The following ADD3 variants were observed in gnomAD, a reference collection of about 807,000 sequenced individuals.
The protein encoded by ADD3 is adducin 3.
Under a neutral mutation model 80.2 loss-of-function variants are expected in ADD3, and 25 were observed. The ratio of observed to expected loss-of-function variants is 0.31; its 90% CI spans 0.23 to 0.44. The LOEUF is 0.44. Ranked by LOEUF, ADD3 falls within the 20% of genes least tolerant of loss-of-function variation. The pLI is 1.00. For synonymous variants in ADD3, 284 were observed against 289.6 expected (o/e 0.98, Z 0.20); for missense variants, 829 against 847.5 (o/e 0.98, Z 0.27).
intron 2 of ADD3, among the ~76,000 whole-genome samples, chr10:110,111,806 A>C (rs989519259): frequency 1.3e-5 from 2 of 151,898 alleles, no homozygotes; most frequent in Non-Finnish European, 2.9e-5. Flanking sequence ...CCAGCTACTC[A>C]GGAGGCTGAG....
At chr10:110,112,713 C>G in intron 2 of ADD3, 64 bp from the exon 3 acceptor site, 6 of 1,542,956 alleles carry the variant, frequency 3.9e-6, no homozygotes, top group Non-Finnish European at 5.2e-6. Flanking sequence ...TTGATTGTAT[C>G]GGAACAAGTT....
rs79929674 is a variant in ADD3, at chr10:110,109,547, A to C, written c.196-3230A>C. Among the ~76,000 whole-genome samples, 245 of 152,292 alleles carry C rather than the reference A, an allele frequency of 1.6e-3. 3 individuals carry two copies. Among genetic ancestry groups the C allele is most frequent in the African/African-American group, 5.7e-3 (238 of 41,556 alleles). ...AATGCCTACTTCTCCAAGTTATTGT[A>C]ATATATGTAATGAGTGATACACATA... On this transcript the variant is annotated intron_variant, in intron 2 of 14. Transcript: ENST00000356080.
chr10:110,028,546 C>T (rs1260731077), intron 1 of ADD3, among the ~76,000 whole-genome samples: 1 of 152,132 alleles, frequency 6.6e-6, no homozygotes, highest in African/African-American at 2.4e-5. Flanking sequence ...GCCTGGGCGA[C>T]AGAGTGAGAT....
intron 14 of ADD3, 36 bp from the exon 15 acceptor site, chr10:110,133,290 G>A (rs369503702): frequency 4.5e-6 from 7 of 1,541,082 alleles, no homozygotes; most frequent in Middle Eastern, 1.7e-4. Flanking sequence ...TGTTAAGTAT[G>A]TAAAATAACC....
At chr10:110,099,181 A>T (rs891971618) in intron 1 of ADD3, among the ~76,000 whole-genome samples, 3 of 151,052 alleles carry the variant, frequency 2.0e-5, no homozygotes, top group African/African-American at 7.3e-5. Context: ...CTCCCACCTC[A>T]ATCTCCCAAC....
chr10:110,055,284 G>A (rs911910840), intron 1 of ADD3, among the ~76,000 whole-genome samples: 1 of 152,124 alleles, frequency 6.6e-6, no homozygotes, highest in Admixed American at 6.5e-5. Flanking sequence ...TAGTGGTAAA[G>A]CAGTCTGTTT....
At chr10:110,074,031 C>T (rs978541112) in intron 1 of ADD3, among the ~76,000 whole-genome samples, 4 of 152,086 alleles carry the variant, frequency 2.6e-5, no homozygotes, top group Admixed American at 6.5e-5. Context: ...CAAAGCTCAT[C>T]TCTGTGGCTG....
intron 1 of ADD3, among the ~76,000 whole-genome samples, chr10:110,054,568 A>C (rs1224223286): frequency 6.9e-6 from 1 of 145,702 alleles, no homozygotes; most frequent in Non-Finnish European, 1.5e-5. Context: ...CAGCCTGCGG[A>C]GTAGCTGGGA....
chr10:110,062,880 A>G (rs1049035581), intron 1 of ADD3, among the ~76,000 whole-genome samples: 5 of 152,212 alleles, frequency 3.3e-5, no homozygotes, highest in Admixed American at 2.0e-4. Flanking sequence ...GAATTCAGAA[A>G]ATTCTCTTAG....
chr10:110,039,003 T>C (rs1399846945), intron 1 of ADD3, among the ~76,000 whole-genome samples: 1 of 152,240 alleles, frequency 6.6e-6, no homozygotes, highest in Non-Finnish European at 1.5e-5. Flanking sequence ...TGGAGGGTAT[T>C]ACCACAGTGT....
At chr10:110,084,741 A>G (rs532605085) in intron 1 of ADD3, among the ~76,000 whole-genome samples, 6 of 152,200 alleles carry the variant, frequency 3.9e-5, no homozygotes, top group Admixed American at 6.5e-5. Context: ...TATCAGGGAA[A>G]ACAACTCCTC....
At chr10:110,088,975 G>A (rs1396806931) in intron 1 of ADD3, among the ~76,000 whole-genome samples, 1 of 151,880 alleles carries the variant, frequency 6.6e-6, no homozygotes, top group Non-Finnish European at 1.5e-5. Flanking sequence ...AAGCTTTGTT[G>A]GATTATTTGC....
At chr10:110,040,980 C>G (rs915807454) in intron 1 of ADD3, among the ~76,000 whole-genome samples, 1 of 151,576 alleles carries the variant, frequency 6.6e-6, no homozygotes, top group Non-Finnish European at 1.5e-5. Flanking sequence ...CTCTCTCTCT[C>G]TCTCTCCGTG....
chr10:110,017,369 A>G (rs1853128841), intron 1 of ADD3, among the ~76,000 whole-genome samples: 1 of 152,244 alleles, frequency 6.6e-6, no homozygotes, highest in African/African-American at 2.4e-5. Flanking sequence ...CGTATACATG[A>G]GATGAACTTC....
chr10:110,006,197 G>T (rs1310139321), upstream of ADD3: 1 of 153,538 alleles, frequency 6.5e-6, no homozygotes, highest in Non-Finnish European at 1.5e-5. Flanking sequence ...TGTGAGAAAA[G>T]GAATGATCAT....
At chr10:110,004,456 G>T (rs1434618260), upstream of ADD3, among the ~76,000 whole-genome samples, 2 of 152,134 alleles carry the variant, frequency 1.3e-5, no homozygotes, top group Non-Finnish European at 2.9e-5. Flanking sequence ...CTGGCAGGCA[G>T]AGATTGCAGT....
chr10:110,077,467 A>G (rs758088317), intron 1 of ADD3, among the ~76,000 whole-genome samples: 3 of 152,232 alleles, frequency 2.0e-5, no homozygotes, highest in Non-Finnish European at 4.4e-5. Context: ...GGACCCATTA[A>G]TAGCATAATC....
At chr10:110,002,583 T>C (rs535226370), upstream of ADD3, among the ~76,000 whole-genome samples, 12 of 152,272 alleles carry the variant, frequency 7.9e-5, no homozygotes, top group East Asian at 2.3e-3. Flanking sequence ...TGGAAACTAG[T>C]GACCCTTAAG....
At chr10:110,126,000 A>G in intron 11 of ADD3, 55 bp downstream of exon 11, 1 of 1,531,304 alleles carries the variant, frequency 6.5e-7, no homozygotes, top group Non-Finnish European at 8.9e-7. Flanking sequence ...TTATGTTTAA[A>G]TCACCAGTGG....
Sources: gnomAD v4.1 joint callset for allele counts (sites outside exome capture counted in the v4.1 genomes callset) on GRCh38, gnomAD v4.1.1 for gene constraint, MANE v1.5 for transcripts, NCBI Gene and HGNC (gene_info 2026-07-23, HGNC 2026-07-21) for gene names.